The following USP49 variants were observed in gnomAD, a reference collection of about 807,000 sequenced individuals.
The protein encoded by USP49 is ubiquitin specific peptidase 49, also known as ubiquitin carboxyl-terminal hydrolase 49.
In USP49, 24 loss-of-function variants were observed where a neutral mutation model predicts 58.6. The observed-to-expected ratio is 0.41, with a 90% confidence interval of 0.30 to 0.58. USP49 has a LOEUF of 0.58. Ranked by LOEUF, USP49 falls within the 20% of genes least tolerant of loss-of-function variation. The pLI is 0.30. For synonymous variants in USP49, 408 were observed against 365.1 expected, an observed-to-expected ratio of 1.12 and a Z score of -1.34; for missense variants, 703 against 866.1, an observed-to-expected ratio of 0.81 and a Z score of 2.36.
intron 3 of USP49, among the ~76,000 whole-genome samples, chr6:41,847,025 AGGATAATT>A (rs1446247472): frequency 6.6e-6 from 1 of 152,260 alleles, no homozygotes; most frequent in African/African-American, 2.4e-5. Flanking sequence ...AACAACAACC[AGGATAATT>A]GGTAAAGGTC....
chr6:41,818,461 A>C (rs1418194443), intron 3 of USP49, among the ~76,000 whole-genome samples: 2 of 152,214 alleles, frequency 1.3e-5, no homozygotes, highest in South Asian at 2.1e-4. Flanking sequence ...GTAAGGATTA[A>C]GCTTCAGAGC....
At chr6:41,827,697 A>AAT (rs1773565412) in intron 3 of USP49, among the ~76,000 whole-genome samples, 2 of 146,682 alleles carry the variant, frequency 1.4e-5, no homozygotes, top group African/African-American at 5.4e-5. Flanking sequence ...AAAAAAAAAA[A>AAT]TTTGCCTGGG....
At position 41,839,248 on chromosome 6, in the gene USP49, A is replaced by G. The variant is rs1317275359; in HGVS notation, c.-28-32237T>C. On this transcript the variant is annotated intron_variant, in intron 3 of 7. Coordinates refer to ENST00000682992, the MANE Select transcript of USP49 (RefSeq NM_001286554.2). ...ATGGCAAACCCTGTCTCTACAAAAA[A>G]TACAAAAATTAGCTGGGTGTGGTGG... Among the ~76,000 whole-genome samples the G allele has an allele frequency of 2.6e-5, 4 of 151,842 alleles. No individual in the cohort carries two copies. In the East Asian group the frequency reaches 7.7e-4, roughly 29 times the overall value.
intron 1 of USP49, among the ~76,000 whole-genome samples, chr6:41,895,022 TCCCGCCGCCCCCGCCCCGGGCGCCCCCAG>T (rs1317632014): frequency 1.5e-5 from 2 of 135,164 alleles, no homozygotes; most frequent in African/African-American, 5.6e-5. Flanking sequence ...GGCTCTCGCC[TCCCGCCGCCCCCGCCCCGGGCGCCCCCAG>T]CCCGCCGGCG....
At chr6:41,830,856 G>C (rs995109767) in intron 3 of USP49, among the ~76,000 whole-genome samples, 1 of 151,808 alleles carries the variant, frequency 6.6e-6, no homozygotes, top group Non-Finnish European at 1.5e-5. Context: ...AAAGCAGCAC[G>C]AAGCACCAGT....
In USP49 at chr6:41,808,756, G is replaced by C. The variant is rs148838945; in HGVS notation, c.-28-1745C>G. Among the ~76,000 whole-genome samples, 4 of 152,036 alleles carry C rather than the reference G, an allele frequency of 2.6e-5. No homozygotes were observed. In the East Asian group the frequency reaches 7.7e-4, roughly 29 times the overall value. On this transcript the variant is annotated intron_variant, in intron 3 of 7. Transcript: ENST00000682992. ...AAAACTTTTATATCTTTGGAACTTTGAAAGGCGTTTTCCCCTCAATACCAG... is the reference window on the plus strand; with the variant it reads ...AAAACTTTTATATCTTTGGAACTTTCAAAGGCGTTTTCCCCTCAATACCAG...
In USP49 at chr6:41,864,392, G is replaced by GTCTC. The variant is rs376237984; in HGVS notation, c.-29+7168_-29+7171dup. Among the ~76,000 whole-genome samples the GTCTC allele has an allele frequency of 4.7e-3, 707 of 152,018 alleles. 8 individuals are homozygous for GTCTC. Among genetic ancestry groups the GTCTC allele is most frequent in the African/African-American group, 0.016 (650 of 41,456 alleles). On this transcript the variant is annotated intron_variant, in intron 3 of 7. Transcript: ENST00000682992. ...GGCCTGGTCAACATGGTGAAACCCTGTCTCTACTAAAAAAACAAAAATTAG... is the reference window on the plus strand; with the variant it reads ...GGCCTGGTCAACATGGTGAAACCCTGTCTCTCTCTACTAAAAAAACAAAAATTAG...
chr6:41,851,547 T>A (rs1011661278), intron 3 of USP49, among the ~76,000 whole-genome samples: 2 of 152,112 alleles, frequency 1.3e-5, no homozygotes, highest in African/African-American at 4.8e-5. Flanking sequence ...GGTGAAAGAA[T>A]AAAAGCCTTT....
chr6:41,806,429 C>A lies in USP49; in HGVS notation c.555G>T (p.Ala185=). The A allele has an allele frequency of 6.3e-7, 1 of 1,581,162 alleles. No individual in the cohort carries two copies. Residue 185 remains alanine, a synonymous_variant, in exon 4 of 8, where the codon GCG becomes GCT. Coordinates refer to ENST00000682992, the MANE Select transcript of USP49 (RefSeq NM_001286554.2). The surrounding 1 kb of genome is among the most constrained non-coding windows in gnomAD (Gnocchi z 5.9). ...EEALERKKEE[A]RRRRREVKRR... ...GTTTCACCTCGCGCCGCCGCCTCCG[C>A]GCCTCCTCCTTCTTGCGCTCCAGGG...
At chr6:41,866,017 G>C (rs1774312979) in intron 3 of USP49, among the ~76,000 whole-genome samples, 1 of 140,270 alleles carries the variant, frequency 7.1e-6, no homozygotes, top group Non-Finnish European at 1.5e-5. Context: ...CGCCTCCCAA[G>C]TTCAAGCGAT....
intron 3 of USP49, among the ~76,000 whole-genome samples, chr6:41,862,444 T>C (rs975836130): frequency 6.6e-5 from 10 of 152,250 alleles, no homozygotes; most frequent in African/African-American, 2.4e-4. Flanking sequence ...TTTCTTTTTA[T>C]GTGAACTGTC....
At chr6:41,823,312 G>A (rs887405670) in intron 3 of USP49, among the ~76,000 whole-genome samples, 4 of 152,222 alleles carry the variant, frequency 2.6e-5, no homozygotes, top group Non-Finnish European at 5.9e-5. Flanking sequence ...AGAAGATTCA[G>A]TGTTTCAGTA....
chr6:41,882,714 A>G (rs1367089411), intron 2 of USP49, among the ~76,000 whole-genome samples: 1 of 152,120 alleles, frequency 6.6e-6, no homozygotes, highest in Non-Finnish European at 1.5e-5. Context: ...CAGGAGATCA[A>G]AGCCATCCTG....
intron 3 of USP49, among the ~76,000 whole-genome samples, chr6:41,823,205 T>C (rs1773481124): frequency 6.6e-6 from 1 of 152,128 alleles, no homozygotes; most frequent in African/African-American, 2.4e-5. Flanking sequence ...AGCACATGCT[T>C]TGTGGGATGG....
intron 1 of USP49, among the ~76,000 whole-genome samples, chr6:41,892,149 A>G (rs186031408): frequency 3.3e-5 from 5 of 152,320 alleles, no homozygotes; most frequent in African/African-American, 7.2e-5. Context: ...GGTTTAGCAC[A>G]CTAAGGCCGT....
chr6:41,873,166 G>A (rs1774445086), intron 2 of USP49, among the ~76,000 whole-genome samples: 3 of 152,178 alleles, frequency 2.0e-5, no homozygotes, highest in Admixed American at 2.0e-4. Flanking sequence ...GGGATTAGGT[G>A]GGGGTGAAGC....
At chr6:41,859,286 C>G (rs368420773) in intron 3 of USP49, among the ~76,000 whole-genome samples, 2 of 152,328 alleles carry the variant, frequency 1.3e-5, no homozygotes, top group South Asian at 4.1e-4. Flanking sequence ...GAACTATTCT[C>G]TCTTACTTCT....
chr6:41,882,494 C>A (rs185471185), intron 2 of USP49, among the ~76,000 whole-genome samples: 177 of 152,196 alleles, frequency 1.2e-3, no homozygotes, highest in Non-Finnish European at 1.9e-3. Flanking sequence ...AAATGTAAAG[C>A]CATAAAGCTA....
chr6:41,813,191 G>A (rs1734327382), intron 3 of USP49, among the ~76,000 whole-genome samples: 1 of 152,132 alleles, frequency 6.6e-6, no homozygotes, highest in African/African-American at 2.4e-5. Context: ...AGCTTGCTCT[G>A]CTTTGCTTTT....
Sources: allele counts gnomAD v4.1 joint callset (sites outside exome capture counted in the v4.1 genomes callset), GRCh38; gene constraint gnomAD v4.1.1; non-coding constraint Gnocchi (gnomAD v3.1); transcripts MANE v1.5; gene names NCBI Gene and HGNC (gene_info 2026-07-23, HGNC 2026-07-21).